ZDHHC20: variants seen among roughly 807,000 people sequenced by gnomAD.
ZDHHC20 encodes the protein zDHHC palmitoyltransferase 20.
A neutral mutation model predicts 57.8 loss-of-function variants in ZDHHC20; 43 were observed. That is an observed-to-expected ratio of 0.74 (90% confidence interval 0.58 to 0.96). ZDHHC20 has a LOEUF of 0.96. Among genes scored for constraint, ZDHHC20 ranks in the 40% least tolerant of loss-of-function variants. The pLI, the probability that ZDHHC20 is intolerant of heterozygous loss-of-function variation, is 0.00. For missense variants in ZDHHC20, 391 were observed against 441.1 expected (o/e 0.89, Z 1.02); for synonymous variants, 157 against 153.0 (o/e 1.03, Z -0.19).
At chr13:21,453,243 T>A (rs1884620537) in intron 1 of ZDHHC20, among the ~76,000 whole-genome samples, 1 of 152,224 alleles carries the variant, frequency 6.6e-6, no homozygotes, top group Non-Finnish European at 1.5e-5. Context: ...TAATGTTAAG[T>A]GAGCCAACTG....
intron 1 of ZDHHC20, among the ~76,000 whole-genome samples, chr13:21,439,429 G>A (rs1882894661): frequency 6.6e-6 from 1 of 152,056 alleles, no homozygotes; most frequent in South Asian, 2.1e-4. Flanking sequence ...GAGCCCAGGA[G>A]GTCTAGGCTG....
At chr13:21,379,147 G>A (rs1872773684) in intron 11 of ZDHHC20, among the ~76,000 whole-genome samples, 1 of 152,188 alleles carries the variant, frequency 6.6e-6, no homozygotes, top group African/African-American at 2.4e-5. Context: ...ACTAATTTAA[G>A]AGAATGTTTT....
intron 8 of ZDHHC20, among the ~76,000 whole-genome samples, chr13:21,389,199 T>C (rs770317915): frequency 2.6e-5 from 4 of 152,136 alleles, no homozygotes; most frequent in African/African-American, 4.8e-5. Context: ...GTGACAGTTA[T>C]GAAGAAGACA....
intron 8 of ZDHHC20, among the ~76,000 whole-genome samples, chr13:21,388,647 G>C (rs1341569364): frequency 6.6e-6 from 1 of 152,226 alleles, no homozygotes; most frequent in African/African-American, 2.4e-5. Flanking sequence ...TTGGGTAACA[G>C]GTGAGGGACC....
intron 1 of ZDHHC20, among the ~76,000 whole-genome samples, chr13:21,447,572 G>A (rs1399732460): frequency 2.1e-5 from 3 of 146,228 alleles, no homozygotes; most frequent in Non-Finnish European, 3.0e-5. Context: ...AGGGAGTCTC[G>A]TTCACTCAGT....
intron 1 of ZDHHC20, among the ~76,000 whole-genome samples, chr13:21,426,607 C>CTTTTTT (rs778269073): frequency 7.4e-6 from 1 of 135,376 alleles, no homozygotes; most frequent in Admixed American, 7.7e-5. Context: ...TTCTCCTTTT[C>CTTTTTT]TTTTTTTTTT....
At chr13:21,440,175 T>A (rs568683051) in intron 1 of ZDHHC20, among the ~76,000 whole-genome samples, 1 of 151,012 alleles carries the variant, frequency 6.6e-6, no homozygotes, top group African/African-American at 2.5e-5. Context: ...CTCTCATACA[T>A]TTCAGAGAGA....
chr13:21,391,982 T>C (rs562788882), intron 7 of ZDHHC20, 128 bp from the exon 8 acceptor site: 163 of 1,074,310 alleles, frequency 1.5e-4, no homozygotes, highest in Admixed American at 2.7e-4. Context: ...TTACTTAATA[T>C]ATCCCAATGC....
chr13:21,414,527 ATT>A (rs747307477), intron 3 of ZDHHC20, among the ~76,000 whole-genome samples: 1,433 of 107,486 alleles, frequency 0.013, 31 homozygotes, highest in African/African-American at 0.039. Context: ...TGCCCGGATA[ATT>A]TTTTTTTTTT....
intron 7 of ZDHHC20, among the ~76,000 whole-genome samples, chr13:21,392,432 A>G (rs1169359842): frequency 1.3e-5 from 2 of 152,120 alleles, no homozygotes; most frequent in Non-Finnish European, 2.9e-5. Context: ...GACTTCTTTA[A>G]TCTCTATTTT....
In ZDHHC20 at chr13:21,454,249, C is replaced by A. The variant is rs143677539; in HGVS notation, c.118+4805G>T. 2.7e-3 allele frequency among the ~76,000 whole-genome samples: 414 copies of A among 152,076 alleles called. 2 individuals carry two copies. The highest frequency in any genetic ancestry group is 0.024 in the East Asian group (124 of 5,156). On this transcript the variant is annotated intron_variant, in intron 1 of 12. Transcript: ENST00000400590. Reference sequence around the variant, plus strand: ...GCTGAGGCAGGAGAATTGCTTGAACCCAGGAGGAGGAGGTTGCAGTGAGCC... The same window carrying A: ...GCTGAGGCAGGAGAATTGCTTGAACACAGGAGGAGGAGGTTGCAGTGAGCC...
intron 1 of ZDHHC20, among the ~76,000 whole-genome samples, chr13:21,438,066 C>T (rs570728518): frequency 3.3e-4 from 50 of 152,300 alleles, no homozygotes; most frequent in Middle Eastern, 3.4e-3. Context: ...TATTACTGCT[C>T]ATTGAAAATG....
In ZDHHC20 at chr13:21,387,489, C is replaced by A; in HGVS notation, c.854+19G>T. 1 of 1,484,262 alleles carries A rather than the reference C, an allele frequency of 6.7e-7. No individual in the cohort carries two copies. Among genetic ancestry groups the A allele is most frequent in the South Asian group, 1.4e-5 (1 of 70,388 alleles). 91.9% of individuals were successfully genotyped at this position (1,484,262 alleles called of 1,614,324 possible). A position where few individuals can be genotyped will look rare whatever the true frequency, so the allele number is the denominator to read the frequency against. Reference sequence around the variant, plus strand: ...ACCACAGATGCCATAATCTCTGAGACCCACATTTTATAAATTACCTTGAAA... The same window carrying A: ...ACCACAGATGCCATAATCTCTGAGAACCACATTTTATAAATTACCTTGAAA... On this transcript the variant is annotated intron_variant, in intron 9 of 12. Coordinates refer to ENST00000400590, the MANE Select transcript of ZDHHC20 (RefSeq NM_001330059.2).
chr13:21,377,453 C>T (rs1301517106), intron 12 of ZDHHC20, among the ~76,000 whole-genome samples: 1 of 113,272 alleles, frequency 8.8e-6, no homozygotes, highest in Non-Finnish European at 1.7e-5. Context: ...CTCTGCCCGA[C>T]GTGACCTCCA....
intron 1 of ZDHHC20, among the ~76,000 whole-genome samples, chr13:21,451,299 TTG>T (rs964651981): frequency 6.6e-6 from 1 of 152,198 alleles, no homozygotes; most frequent in African/African-American, 2.4e-5. Flanking sequence ...TTCTAGATGT[TTG>T]TGTGTCCTAA....
At chr13:21,447,514 C>A (rs1454432778) in intron 1 of ZDHHC20, among the ~76,000 whole-genome samples, 3 of 147,192 alleles carry the variant, frequency 2.0e-5, no homozygotes, top group Non-Finnish European at 4.5e-5. Context: ...CAGCCCCTAA[C>A]CGCGAGTGAT....
intron 1 of ZDHHC20, 51 bp downstream of exon 1, chr13:21,459,003 C>T: frequency 6.8e-7 from 1 of 1,462,354 alleles, no homozygotes; most frequent in Non-Finnish European, 9.3e-7. Flanking sequence ...GCCTATCTCG[C>T]GCCCTAGCCG....
Position 21,372,690 on chromosome 13 carries a change from G to A in ZDHHC20, c.*4006C>T, listed in dbSNP as rs1871396039. 6.6e-6 allele frequency: 1 copy of A among 152,104 alleles called. No homozygotes were observed. The highest frequency in any genetic ancestry group is 2.1e-4 in the South Asian group (1 of 4,828). 9.4% of individuals were successfully genotyped at this position (152,104 alleles called of 1,614,324 possible). On this transcript the variant is annotated 3_prime_UTR_variant, in exon 13 of 13. Transcript: ENST00000400590. ...TAGGCCAGCCAAAAGACAAAGCAAA[G>A]CATCAACATTAAGTCACAGGCTAGG...
At chr13:21,434,076 T>C (rs1882287959) in intron 1 of ZDHHC20, among the ~76,000 whole-genome samples, 1 of 150,942 alleles carries the variant, frequency 6.6e-6, no homozygotes. Context: ...AGGGTTTGTT[T>C]TCCTTTCCTA....
Sources: gnomAD v4.1 joint callset for allele counts (sites outside exome capture counted in the v4.1 genomes callset) on GRCh38, gnomAD v4.1.1 for gene constraint, MANE v1.5 for transcripts, NCBI Gene and HGNC (gene_info 2026-07-23, HGNC 2026-07-21) for gene names.